The following RYR1 variants were observed in gnomAD, a reference collection of about 807,000 sequenced individuals.
RYR1 encodes ryanodine receptor 1, also known as central core disease of muscle.
A neutral mutation model predicts 583.5 loss-of-function variants in RYR1; 342 were observed. That is an observed-to-expected ratio of 0.59 (90% CI 0.54 to 0.64). RYR1 has a LOEUF of 0.64. Among genes scored for constraint, RYR1 ranks in the 30% least tolerant of loss-of-function variants. The pLI is 0.00. For synonymous variants in RYR1, 2,791 were observed against 2,822.5 expected (o/e 0.99, Z 0.35); for missense variants, 6,032 against 6,917.2 (o/e 0.87, Z 4.54).
chr19:38,448,391 C>A lies in RYR1; in HGVS notation c.837C>A (p.Leu279=), dbSNP rs1381396297. ...SGSHLRWGQP[L]RVRHVTTGQY... ...GCCACCTGCGCTGGGGCCAGCCACTCCGAGTCCGGCATGTCACTACCGGGC... is the reference window on the plus strand; with the variant it reads ...GCCACCTGCGCTGGGGCCAGCCACTACGAGTCCGGCATGTCACTACCGGGC... The change falls in exon 10 of 106, where the codon CTC becomes CTA. Residue 279 remains leucine, a synonymous_variant. Coordinates refer to ENST00000359596, the MANE Select transcript of RYR1 (RefSeq NM_000540.3). 5.0e-6 allele frequency: 8 copies of A among 1,611,880 alleles called. No homozygotes were observed. The highest frequency in any genetic ancestry group is 6.8e-6 in the Non-Finnish European group (8 of 1,180,008).
In RYR1 at chr19:38,499,301, C is replaced by A; in HGVS notation, c.7027+58C>A. On this transcript the variant is annotated intron_variant, in intron 43 of 105. Transcript: ENST00000359596. This position sits in a 1 kb window ranked among gnomAD's most constrained non-coding sequence, Gnocchi z 7.3. The stretch of plus-strand genomic sequence containing the variant: ...GTATGGAGTCACTGGTCACACACCT[C>A]CCTCGAGATGACTGCTCGCACCCTG... 1 of 1,612,730 alleles carries A rather than the reference C, an allele frequency of 6.2e-7. No homozygotes were observed. The highest frequency in any genetic ancestry group is 8.5e-7 in the Non-Finnish European group (1 of 1,179,022).
At chr19:38,530,408 G>C (rs2145729104) in intron 76 of RYR1, among the ~76,000 whole-genome samples, 1 of 150,616 alleles carries the variant, frequency 6.6e-6, no homozygotes, top group Admixed American at 6.6e-5. Context: ...GGGACTACAG[G>C]CACGTGCCTC....
chr19:38,464,710 A>G lies in RYR1; in HGVS notation c.2858A>G (p.Lys953Arg). ...EKAEDNLKKT[K>R]LPKTYMMSNG... is the part of the protein sequence containing the mutation. ...GCGGAGGACAACCTGAAGAAGACAA[A>G]ACTCCCCAAGACGTGAGTGTGGGCA... Residue 953 changes from lysine to arginine, a missense_variant, in exon 23 of 106, where the codon AAA (lysine) becomes AGA (arginine). Coordinates refer to ENST00000359596, the MANE Select transcript of RYR1 (RefSeq NM_000540.3). The G allele has an allele frequency of 6.3e-7, 1 of 1,586,092 alleles. No homozygotes were observed. The highest frequency in any genetic ancestry group is 2.3e-5 in the East Asian group (1 of 43,706).
chr19:38,516,260 C>A, intron 65 of RYR1, 43 bp downstream of exon 65: 2 of 1,566,642 alleles, frequency 1.3e-6, no homozygotes, highest in East Asian at 4.7e-5. Flanking sequence ...GTCCAAATCT[C>A]CCCAGCACAG....
intron 77 of RYR1, 54 bp downstream of exon 77, chr19:38,532,595 G>C (rs1176844345): frequency 1.2e-6 from 2 of 1,613,584 alleles, no homozygotes; most frequent in African/African-American, 2.7e-5. Flanking sequence ...CACCTGCAGT[G>C]CTTGTCCACA....
rs1408596365 is a variant in RYR1, at chr19:38,567,843, T to G, written c.13585T>G (p.Ser4529Ala). The change falls in exon 93 of 106, where the codon TCA (serine) becomes GCA (alanine). Residue 4529 changes from serine (S) to alanine (A), a missense_variant. Physicochemically the swap from Ser to Ala is moderately conservative, Grantham distance 99. This residue lies in a region of RYR1 where 753 missense variants were observed against 759.6 expected (regional missense o/e 0.99). Transcript: ENST00000359596. ...GCCCCCCAAGAAGCAAGCACCTCCC[T>G]CACCCCCTCCAAAGAAGGAGGAAGC... ...PEPPKKQAPP[S>A]PPPKKEEAGG... The G allele has an allele frequency of 6.2e-7, 1 of 1,614,008 alleles. No individual in the cohort carries two copies.
intron 93 of RYR1, among the ~76,000 whole-genome samples, chr19:38,568,424 A>G (rs1299504009): frequency 6.6e-6 from 1 of 151,956 alleles, no homozygotes; most frequent in African/African-American, 2.4e-5. Flanking sequence ...TCTCCCCTCC[A>G]GGCCTGGCCC....
rs191723325 is a variant in RYR1 at position 38,527,595 on chromosome 19, G to A, written c.10687-52G>A. On this transcript the variant is annotated intron_variant, in intron 72 of 105. Transcript: ENST00000359596. ...AAAAACGGAAAGGGGACATCCGGCG[G>A]ACACTGTGGGAAGGGTCCCTCACGC... 1,393 of 1,610,830 alleles carry A rather than the reference G, an allele frequency of 8.6e-4. 1 individual carries two copies. The highest frequency in any genetic ancestry group is 1.0e-3 in the Non-Finnish European group (1,195 of 1,178,998).
In RYR1 at chr19:38,442,456, G is replaced by A. The variant is rs1404970638; in HGVS notation, c.270+3G>A. On this transcript the variant is annotated splice_donor_region_variant and intron_variant, in intron 3 of 105. Coordinates refer to ENST00000359596, the MANE Select transcript of RYR1 (RefSeq NM_000540.3). ...ACACGGTGGAGGCTGGCGTGGAGGT[G>A]AGGACCCCACCTGGGGGTGGGCGGG... 2 of 1,611,156 alleles carry A rather than the reference G, an allele frequency of 1.2e-6. No individual in the cohort carries two copies. Among genetic ancestry groups the A allele is most frequent in the Middle Eastern group, 1.7e-4 (1 of 5,958 alleles).
At chr19:38,474,503 T>G (rs1168464476) in intron 28 of RYR1, among the ~76,000 whole-genome samples, 1 of 149,192 alleles carries the variant, frequency 6.7e-6, no homozygotes, top group Non-Finnish European at 1.5e-5. Context: ...CCTCAGGTGA[T>G]CCACCCACCT....
chr19:38,542,932 C>T (rs1180007443), intron 84 of RYR1, among the ~76,000 whole-genome samples: 1 of 151,754 alleles, frequency 6.6e-6, no homozygotes, highest in Non-Finnish European at 1.5e-5. Context: ...ACCTCTGCCT[C>T]CGGGGTTGAA....
intron 29 of RYR1, among the ~76,000 whole-genome samples, chr19:38,477,230 C>T (rs1467830100): frequency 6.6e-6 from 1 of 152,108 alleles, no homozygotes; most frequent in African/African-American, 2.4e-5. Context: ...GCAACCTCTG[C>T]CTCCCAGGTT....
Position 38,580,521 on chromosome 19 carries a change from G to C in RYR1, c.14646+17G>C. 1 of 1,613,928 alleles carries C rather than the reference G, an allele frequency of 6.2e-7. No homozygotes were observed. Among genetic ancestry groups the C allele is most frequent in the Non-Finnish European group, 8.5e-7 (1 of 1,179,926 alleles). On this transcript the variant is annotated intron_variant, in intron 101 of 105. Transcript: ENST00000359596. The stretch of plus-strand genomic sequence containing the variant: ...ATGATGACGGTGAGCCCCTCCCCTA[G>C]CACTCTGGGACCCTTCCTTCTCGCA...
chr19:38,565,094 G>T lies in RYR1; in HGVS notation c.12760G>T (p.Glu4254Ter). Residue 4254 changes from glutamate (E) to a stop codon, truncating the protein, a stop_gained, in exon 91 of 106, where the codon GAG becomes TAG. Coordinates refer to ENST00000359596, the MANE Select transcript of RYR1 (RefSeq NM_000540.3). LOFTEE classifies it high-confidence loss of function. The surrounding 1 kb of genome is among the most constrained non-coding windows in gnomAD (Gnocchi z 4.7). Reference protein sequence around the residue: ...MQIAAQISEPEGEPETDEDEG... With the variant: ...MQIAAQISEP ...GATCGCCGCGCAGATCTCGGAGCCC[G>T]AGGGCGAGCCGGAGACCGACGAGGA... 1 of 1,551,290 alleles carries T rather than the reference G, an allele frequency of 6.4e-7. No homozygotes were observed.
chr19:38,570,268 A>G (rs1973654940), intron 93 of RYR1, among the ~76,000 whole-genome samples: 1 of 152,248 alleles, frequency 6.6e-6, no homozygotes, highest in Non-Finnish European at 1.5e-5. Context: ...CCTGGCCAAT[A>G]TGGTGAAACC....
intron 76 of RYR1, 73 bp from the exon 77 acceptor site, chr19:38,532,417 C>T (rs1442053662): frequency 6.7e-7 from 1 of 1,502,302 alleles, no homozygotes; most frequent in Non-Finnish European, 9.3e-7. Context: ...GCCACCGCAC[C>T]CTGCCCAGAA....
At chr19:38,497,463 T>C (rs1969899789) in intron 42 of RYR1, among the ~76,000 whole-genome samples, 1 of 152,234 alleles carries the variant, frequency 6.6e-6, no homozygotes, top group Non-Finnish European at 1.5e-5. Flanking sequence ...TGGCCTTGGA[T>C]AAGTGACTTA....
In RYR1 at chr19:38,517,432, T is replaced by TG. The variant is rs1170021969; in HGVS notation, c.9765dup (p.Leu3256AlafsTer55). On this transcript the variant is annotated frameshift_variant, in exon 66 of 106. Transcript: ENST00000359596. LOFTEE classifies it high-confidence loss of function. The stretch of plus-strand genomic sequence containing the variant: ...TGCTGGAGCGGCTCATGGCAGACAT[T>TG]GGGGGGCTGGCCGAGTCAGGTGCCC... 2 of 1,613,780 alleles carry TG rather than the reference T, an allele frequency of 1.2e-6. No homozygotes were observed. Among genetic ancestry groups the TG allele is most frequent in the Non-Finnish European group, 8.5e-7 (1 of 1,179,934 alleles).
chr19:38,532,210 C>G (rs1019207375), intron 76 of RYR1, among the ~76,000 whole-genome samples: 9 of 151,882 alleles, frequency 5.9e-5, no homozygotes, highest in African/African-American at 2.2e-4. Flanking sequence ...CAACCTCTGC[C>G]TCCCGGGTTC....
Sources: allele counts gnomAD v4.1 joint callset (sites outside exome capture counted in the v4.1 genomes callset), GRCh38; gene constraint gnomAD v4.1.1; regional missense constraint gnomAD v4.1.1; non-coding constraint Gnocchi (gnomAD v3.1); transcripts MANE v1.5; gene names NCBI Gene and HGNC (gene_info 2026-07-23, HGNC 2026-07-21).